The following HDAC4 variants were observed in gnomAD, a reference collection of about 807,000 sequenced individuals.
HDAC4 encodes the protein histone deacetylase A.
In HDAC4, 16 loss-of-function variants were observed where a neutral mutation model predicts 135.1. The ratio of observed to expected loss-of-function variants is 0.12; its 90% confidence interval spans 0.08 to 0.18. The LOEUF (loss-of-function observed/expected upper bound fraction) is 0.18. Ranked by LOEUF, HDAC4 falls within the 10% of genes least tolerant of loss-of-function variation. The pLI is 1.00. For missense variants in HDAC4, 1,143 were observed against 1,511.8 expected (o/e 0.76, Z 4.05); for synonymous variants, 685 against 653.4 (o/e 1.05, Z -0.74).
intron 2 of HDAC4, among the ~76,000 whole-genome samples, chr2:239,243,683 A>G (rs79258512): frequency 0.033 from 4,954 of 152,246 alleles, 273 homozygotes; most frequent in African/African-American, 0.11. Context: ...TTTTCAAACA[A>G]AGGTGTTGTT....
At chr2:239,053,350 T>C (rs2031187901) in intron 26 of HDAC4, 110 bp downstream of exon 26, 1 of 1,455,220 alleles carries the variant, frequency 6.9e-7, no homozygotes, top group Admixed American at 1.9e-5. Context: ...GGCCTGTCTC[T>C]AGTCTGTTGG....
chr2:239,177,742 TA>T (rs1480007092), intron 4 of HDAC4, among the ~76,000 whole-genome samples: 1 of 152,212 alleles, frequency 6.6e-6, no homozygotes, highest in Non-Finnish European at 1.5e-5. Context: ...TGTTATCCAT[TA>T]ATGAGAACAT....
intron 2 of HDAC4, among the ~76,000 whole-genome samples, chr2:239,315,275 C>CT (rs2053069147): frequency 6.6e-6 from 1 of 152,172 alleles, no homozygotes; most frequent in Admixed American, 6.5e-5. Flanking sequence ...CCCCGACCAC[C>CT]TTGGGCACAT....
chr2:239,246,327 C>T (rs1324869417), intron 2 of HDAC4, among the ~76,000 whole-genome samples: 1 of 152,190 alleles, frequency 6.6e-6, no homozygotes, highest in Admixed American at 6.5e-5. Flanking sequence ...CCTCCCCCGT[C>T]GGAGAAACCA....
chr2:239,216,429 G>A (rs777511008), intron 3 of HDAC4, among the ~76,000 whole-genome samples: 20 of 152,274 alleles, frequency 1.3e-4, no homozygotes, highest in Admixed American at 3.3e-4. Context: ...TGAGGAGGGC[G>A]CCCTACCAGC....
intron 2 of HDAC4, among the ~76,000 whole-genome samples, chr2:239,345,756 A>AC (rs199667023): frequency 6.8e-6 from 1 of 148,050 alleles, no homozygotes; most frequent in East Asian, 2.0e-4. Context: ...AAACACACAC[A>AC]CCCCCGTCTC....
intron 24 of HDAC4, among the ~76,000 whole-genome samples, chr2:239,060,984 G>A (rs1042288911): frequency 6.6e-6 from 1 of 152,250 alleles, no homozygotes; most frequent in Non-Finnish European, 1.5e-5. Flanking sequence ...CCACGAGGCT[G>A]GGCTCTGTCT....
rs1559431822 is a variant in HDAC4 at position 239,102,916 on chromosome 2, G to A, written c.2113-20C>T. ...GATGCACTGTGGGGACAGGCGAGAG[G>A]ACACTCACACGTTCTGCAGAAGCTG... On this transcript the variant is annotated intron_variant, in intron 15 of 26. Transcript: ENST00000543185. 2 of 1,613,606 alleles carry A rather than the reference G, an allele frequency of 1.2e-6. No homozygotes were observed. Among genetic ancestry groups the A allele is most frequent in the South Asian group, 1.1e-5 (1 of 91,072 alleles).
chr2:239,205,790 T>A (rs1379645797), intron 3 of HDAC4, among the ~76,000 whole-genome samples: 1 of 152,062 alleles, frequency 6.6e-6, no homozygotes, highest in South Asian at 2.1e-4. Flanking sequence ...AAGGAAAATT[T>A]AAATAGTAGA....
chr2:239,401,431 G>C (rs1292235676), upstream of HDAC4: 1 of 161,838 alleles, frequency 6.2e-6, no homozygotes, highest in Non-Finnish European at 1.3e-5. Flanking sequence ...CAGCCGCTGG[G>C]TGCTTCGCGG....
At chr2:239,350,835 C>T (rs1693099752) in intron 2 of HDAC4, among the ~76,000 whole-genome samples, 1 of 152,186 alleles carries the variant, frequency 6.6e-6, no homozygotes, top group South Asian at 2.1e-4. Context: ...TACATACATA[C>T]AGACGTCTTT....
At chr2:239,312,932 G>A (rs955776057) in intron 2 of HDAC4, among the ~76,000 whole-genome samples, 2 of 152,228 alleles carry the variant, frequency 1.3e-5, no homozygotes, top group Admixed American at 6.5e-5. Context: ...CACTGTGGGG[G>A]CGGCCGGCCA....
intron 12 of HDAC4, among the ~76,000 whole-genome samples, chr2:239,120,799 G>T (rs1191592025): frequency 6.6e-6 from 1 of 151,902 alleles, no homozygotes; most frequent in African/African-American, 2.4e-5. Context: ...ACAGAGGCAG[G>T]TCCCTTCTCT....
At chr2:239,158,669 C>T (rs1022922193) in intron 6 of HDAC4, among the ~76,000 whole-genome samples, 1 of 152,064 alleles carries the variant, frequency 6.6e-6, no homozygotes, top group African/African-American at 2.4e-5. Context: ...GACCTCACCT[C>T]CTGCATAGCC....
At chr2:239,392,759 G>C (rs1168444519) in intron 1 of HDAC4, among the ~76,000 whole-genome samples, 1 of 152,240 alleles carries the variant, frequency 6.6e-6, no homozygotes, top group Non-Finnish European at 1.5e-5. Context: ...AGGGAGGACT[G>C]AGGCTCAGGG....
chr2:239,151,310 G>A (rs111238723), intron 7 of HDAC4, among the ~76,000 whole-genome samples: 5 of 152,212 alleles, frequency 3.3e-5, no homozygotes, highest in South Asian at 2.1e-4. Flanking sequence ...GCAGACCTGC[G>A]GACACAACGG....
At chr2:239,060,620 G>A (rs150258767) in intron 24 of HDAC4, among the ~76,000 whole-genome samples, 129 of 152,336 alleles carry the variant, frequency 8.5e-4, no homozygotes, top group Non-Finnish European at 1.5e-3. Context: ...GTCTGGTCAC[G>A]CCACTGCTGA....
chr2:239,090,793 C>G (rs1344110413), intron 17 of HDAC4, among the ~76,000 whole-genome samples: 1 of 152,172 alleles, frequency 6.6e-6, no homozygotes, highest in African/African-American at 2.4e-5. Context: ...CTGAAAAACA[C>G]CAAACTCTGA....
chr2:239,293,462 C>T (rs941331008), intron 2 of HDAC4, among the ~76,000 whole-genome samples: 1 of 152,088 alleles, frequency 6.6e-6, no homozygotes, highest in South Asian at 2.1e-4. Flanking sequence ...TACAATCTAC[C>T]CCAGCAGGGG....
Sources: allele counts gnomAD v4.1 joint callset (sites outside exome capture counted in the v4.1 genomes callset), GRCh38; gene constraint gnomAD v4.1.1; transcripts MANE v1.5; gene names NCBI Gene and HGNC (gene_info 2026-07-23, HGNC 2026-07-21).